PFKM: variants seen among roughly 807,000 people sequenced by gnomAD.
The protein encoded by PFKM is ATP-dependent 6-phosphofructokinase, muscle type.
In PFKM, 58 loss-of-function variants were observed where a neutral mutation model predicts 95.5. The observed-to-expected ratio is 0.61, with a 90% CI of 0.49 to 0.76. The LOEUF is 0.76. Among genes scored for constraint, PFKM ranks in the 30% least tolerant of loss-of-function variants. The pLI is 0.00. For synonymous variants in PFKM, 336 were observed against 357.2 expected (o/e 0.94, Z 0.67); for missense variants, 678 against 1,005.4 (o/e 0.67, Z 4.40).
chr12:48,144,679 C>T (rs577585166), intron 20 of PFKM, among the ~76,000 whole-genome samples: 18 of 152,328 alleles, frequency 1.2e-4, no homozygotes, highest in African/African-American at 4.3e-4. Context: ...ACTTTTATGT[C>T]ATCATTGACA....
intron 2 of PFKM, among the ~76,000 whole-genome samples, chr12:48,126,636 A>C (rs1948870372): frequency 6.6e-6 from 1 of 152,192 alleles, no homozygotes; most frequent in Non-Finnish European, 1.5e-5. Flanking sequence ...GGATTGCATT[A>C]AGTTAGAGTT....
intron 1 of PFKM, chr12:48,107,282 T>C: frequency 2.4e-6 from 2 of 830,786 alleles, no homozygotes; most frequent in South Asian, 2.8e-5. Flanking sequence ...CAAGTAGTCA[T>C]GAGTGTAGCT....
intron 2 of PFKM, among the ~76,000 whole-genome samples, chr12:48,124,741 A>G (rs1454976175): frequency 3.3e-5 from 5 of 152,210 alleles, no homozygotes; most frequent in South Asian, 2.1e-4. Context: ...GCAAATCCCC[A>G]TAACATCACA....
chr12:48,111,117 A>C (rs929370847), intron 3 of PFKM, among the ~76,000 whole-genome samples: 2 of 152,208 alleles, frequency 1.3e-5, no homozygotes, highest in African/African-American at 4.8e-5. Context: ...GTGTATAAAG[A>C]CTTCGATGAT....
intron 11 of PFKM, 56 bp downstream of exon 11, chr12:48,137,902 T>C: frequency 1.3e-6 from 2 of 1,595,232 alleles, no homozygotes; most frequent in Non-Finnish European, 1.7e-6. Context: ...GCCTTGGAGC[T>C]CAAGGGGCAT....
At position 48,134,613 on chromosome 12, in the gene PFKM, C is replaced by G; in HGVS notation, c.639-108C>G. The G allele has an allele frequency of 3.5e-6, 3 of 865,820 alleles. No individual in the cohort carries two copies. In the South Asian group the frequency reaches 4.2e-5, roughly 12 times the overall value. 53.6% of individuals were successfully genotyped at this position (865,820 alleles called of 1,614,324 possible). On this transcript the variant is annotated intron_variant, in intron 7 of 22. Transcript: ENST00000359794. ...CCTTGCCCCACGAATAAAATGGAGG[C>G]TCTCCAGACCTTTTATCAACTATGA...
rs145688409 is a variant in PFKM at position 48,141,854 on chromosome 12, C to T, written c.1500+27C>T. 8.2e-5 allele frequency: 133 copies of T among 1,613,012 alleles called. No homozygotes were observed. The Middle Eastern group carries it at 2.1e-3, about 26-fold the overall frequency. On this transcript the variant is annotated intron_variant, in intron 16 of 22. Transcript: ENST00000359794. ...TGAGTGCCTGCCACCATTTCTTCCT[C>T]TCTCCCTCCTACCTCCTCTCCCTCT...
At chr12:48,135,704 C>T (rs1950017432) in intron 10 of PFKM, among the ~76,000 whole-genome samples, 1 of 152,038 alleles carries the variant, frequency 6.6e-6, no homozygotes, top group African/African-American at 2.4e-5. Context: ...CAGAGGTAGT[C>T]CCACATACCC....
chr12:48,140,572 T>C, intron 13 of PFKM, 150 bp from the exon 14 acceptor site: 2 of 811,442 alleles, frequency 2.5e-6, no homozygotes, highest in Non-Finnish European at 2.1e-6. Flanking sequence ...CTGGCATTCC[T>C]TGGGAGAGGG....
At chr12:48,128,871 A>C (rs1259256043) in intron 2 of PFKM, among the ~76,000 whole-genome samples, 1 of 152,236 alleles carries the variant, frequency 6.6e-6, no homozygotes, top group East Asian at 1.9e-4. Context: ...AAAATGGTTT[A>C]CAAGAAGTTG....
At position 48,134,248 on chromosome 12, in the gene PFKM, G is replaced by A. The variant is rs1333167785; in HGVS notation, c.610G>A (p.Val204Met). ...TTAQSHQRTF[V>M]LEVMGRHCGY... is the part of the protein sequence containing the mutation. ...CTCTTGCAGCCACCAGAGGACATTT[G>A]TGTTAGAAGTAATGGGCCGCCACTG... Residue 204 changes from valine (V) to methionine (M), a missense_variant, in exon 7 of 23, where the codon GTG becomes ATG. Physicochemically the swap from Val to Met is conservative, Grantham distance 21. Coordinates refer to ENST00000359794, the MANE Select transcript of PFKM (RefSeq NM_000289.6). The A allele has an allele frequency of 6.2e-7, 1 of 1,614,068 alleles. No individual in the cohort carries two copies. The highest frequency in any genetic ancestry group is 8.5e-7 in the Non-Finnish European group (1 of 1,179,900).
chr12:48,139,135 A>G (rs573907686), intron 11 of PFKM, 150 bp from the exon 12 acceptor site: 1 of 691,710 alleles, frequency 1.4e-6, no homozygotes, highest in African/African-American at 1.8e-5. Flanking sequence ...TACTTCCATG[A>G]AAGTTTGGGG....
chr12:48,129,994 A>G (rs1329728098), intron 2 of PFKM, among the ~76,000 whole-genome samples: 2 of 152,186 alleles, frequency 1.3e-5, no homozygotes, highest in East Asian at 1.9e-4. Flanking sequence ...TGTTAACAGC[A>G]TTAAATAAGA....
intron 3 of PFKM, among the ~76,000 whole-genome samples, chr12:48,113,164 T>C (rs952638569): frequency 6.6e-6 from 1 of 152,102 alleles, no homozygotes; most frequent in African/African-American, 2.4e-5. Context: ...AAGAGTATTG[T>C]CCAAGTTGTC....
chr12:48,124,323 CT>C (rs1386747506), intron 2 of PFKM, among the ~76,000 whole-genome samples: 1 of 152,166 alleles, frequency 6.6e-6, no homozygotes, highest in Non-Finnish European at 1.5e-5. Flanking sequence ...TCTGTCTTCT[CT>C]GCTGGCAGAG....
At chr12:48,111,734 G>A (rs1262224875) in intron 3 of PFKM, among the ~76,000 whole-genome samples, 2 of 152,102 alleles carry the variant, frequency 1.3e-5, no homozygotes, top group East Asian at 3.8e-4. Flanking sequence ...AGTGAATATC[G>A]GGTGGATCAA....
rs374232727 is a variant in PFKM, at chr12:48,133,273, G to A, written c.428-42G>A. ...AGATATCTCCTCTTTAGGCATGCCA[G>A]GTGCCTCACCCAGTGGCTCCTGGTT... On this transcript the variant is annotated intron_variant, in intron 5 of 22. Coordinates refer to ENST00000359794, the MANE Select transcript of PFKM (RefSeq NM_000289.6). 8.8e-5 allele frequency: 138 copies of A among 1,571,988 alleles called. No homozygotes were observed. In the African/African-American group the frequency reaches 1.7e-3, roughly 20 times the overall value.
intron 4 of PFKM, 91 bp downstream of exon 4, chr12:48,131,484 C>A: frequency 1.1e-6 from 1 of 898,060 alleles, no homozygotes; most frequent in South Asian, 1.3e-5. Flanking sequence ...AATTCCCTGT[C>A]ATGTGGTTTC....
intron 20 of PFKM, 55 bp from the exon 21 acceptor site, chr12:48,144,976 C>A: frequency 8.2e-7 from 1 of 1,224,020 alleles, no homozygotes; most frequent in Non-Finnish European, 1.2e-6. Context: ...GTCTAGATAT[C>A]TCTGCCACTT....
Sources: gnomAD v4.1 joint callset for allele counts (sites outside exome capture counted in the v4.1 genomes callset) on GRCh38, gnomAD v4.1.1 for gene constraint, MANE v1.5 for transcripts, NCBI Gene and HGNC (gene_info 2026-07-23, HGNC 2026-07-21) for gene names.